The following PHACTR4 variants were observed in gnomAD, a reference collection of about 807,000 sequenced individuals.
The protein encoded by PHACTR4 is protein phosphatase 1, regulatory subunit 124.
Under a neutral mutation model 72.7 loss-of-function variants are expected in PHACTR4, and 51 were observed. The ratio of observed to expected loss-of-function variants is 0.70; its 90% CI spans 0.56 to 0.89. PHACTR4 has a LOEUF of 0.89. Ranked by LOEUF, PHACTR4 falls within the 40% of genes least tolerant of loss-of-function variation. The pLI is 0.00. For missense variants in PHACTR4, 731 were observed against 861.8 expected (o/e 0.85, Z 1.90); for synonymous variants, 255 against 302.5 (o/e 0.84, Z 1.63).
At chr1:28,458,674 C>T (rs905658409) in intron 2 of PHACTR4, among the ~76,000 whole-genome samples, 5 of 152,138 alleles carry the variant, frequency 3.3e-5, no homozygotes, top group Admixed American at 6.6e-5. Flanking sequence ...CTATTTATAT[C>T]CTGAAAAGGG....
intron 1 of PHACTR4, 89 bp downstream of exon 1, chr1:28,369,914 T>G (rs1165683627): frequency 2.5e-6 from 1 of 396,432 alleles, no homozygotes; most frequent in Non-Finnish European, 4.9e-6. Context: ...TTCTTGGCTC[T>G]GCGAGAGGGT....
chr1:28,381,133 A>G (rs1226403378), intron 1 of PHACTR4, among the ~76,000 whole-genome samples: 2 of 130,122 alleles, frequency 1.5e-5, no homozygotes, highest in Non-Finnish European at 3.2e-5. Flanking sequence ...CAGCCTTTCC[A>G]GTAGCTGGGA....
In PHACTR4 at chr1:28,407,482, G is replaced by T. The variant is rs12091029; in HGVS notation, c.16+19G>T. On this transcript the variant is annotated intron_variant, in intron 2 of 13. Transcript: ENST00000373839. ...CCATTTGGTGAGTATCACCTACATTGTTCTTAGTAAATGACATTTCTGTTT... is the reference window on the plus strand; with the variant it reads ...CCATTTGGTGAGTATCACCTACATTTTTCTTAGTAAATGACATTTCTGTTT... The T allele has an allele frequency of 0.31, 496,588 of 1,591,324 alleles. 83,817 individuals carry two copies. Among genetic ancestry groups the T allele is most frequent in the African/African-American group, 0.61 (44,801 of 73,980 alleles).
At chr1:28,405,589 A>G (rs1191524130) in intron 1 of PHACTR4, among the ~76,000 whole-genome samples, 3 of 152,034 alleles carry the variant, frequency 2.0e-5, no homozygotes, top group African/African-American at 7.2e-5. Context: ...GACCTCCCAA[A>G]GTGCTGGGAT....
chr1:28,421,465 T>C (rs1270677448), intron 2 of PHACTR4, among the ~76,000 whole-genome samples: 2 of 152,136 alleles, frequency 1.3e-5, no homozygotes, highest in East Asian at 3.8e-4. Context: ...CATATCAGAT[T>C]GTAATCTATA....
chr1:28,479,210 C>A (rs1048530205), intron 8 of PHACTR4, among the ~76,000 whole-genome samples: 1 of 151,994 alleles, frequency 6.6e-6, no homozygotes, highest in Non-Finnish European at 1.5e-5. Flanking sequence ...CACCTGAGGT[C>A]AGGAGTTCGA....
chr1:28,375,613 C>T (rs1218072382), intron 1 of PHACTR4, among the ~76,000 whole-genome samples: 3 of 151,932 alleles, frequency 2.0e-5, no homozygotes, highest in Non-Finnish European at 4.4e-5. Context: ...TTGAGCTCCA[C>T]GGTTTGAGGC....
chr1:28,439,880 A>T (rs1368469248), intron 2 of PHACTR4, among the ~76,000 whole-genome samples: 2 of 152,242 alleles, frequency 1.3e-5, no homozygotes, highest in Non-Finnish European at 1.5e-5. Context: ...ACTCAATGCT[A>T]GGCATTTATC....
At chr1:28,468,318 C>G (rs1015960427) in intron 6 of PHACTR4, among the ~76,000 whole-genome samples, 3 of 152,186 alleles carry the variant, frequency 2.0e-5, no homozygotes, top group African/African-American at 7.2e-5. Context: ...AGGCCAGGCG[C>G]AGTGGCTCAT....
chr1:28,385,511 C>G (rs1391568426), intron 1 of PHACTR4, among the ~76,000 whole-genome samples: 2 of 145,352 alleles, frequency 1.4e-5, no homozygotes, highest in South Asian at 2.2e-4. Context: ...CCACTGCACT[C>G]CAGCTTGGGC....
chr1:28,466,294 T>C, intron 5 of PHACTR4, 88 bp from the exon 6 acceptor site: 2 of 1,403,004 alleles, frequency 1.4e-6, no homozygotes, highest in Non-Finnish European at 1.9e-6. Context: ...ATTGGTGAAA[T>C]TGGCCACAAA....
chr1:28,438,359 C>T (rs751697865), intron 2 of PHACTR4: 15 of 1,604,886 alleles, frequency 9.3e-6, no homozygotes, highest in Middle Eastern at 3.3e-4. Flanking sequence ...AGTTTGTTGT[C>T]GTGAGATACA....
At chr1:28,415,310 C>G (rs936591869) in intron 2 of PHACTR4, among the ~76,000 whole-genome samples, 1 of 151,604 alleles carries the variant, frequency 6.6e-6, no homozygotes, top group Non-Finnish European at 1.5e-5. Context: ...CATGGCTACA[C>G]TGTACATAAG....
intron 1 of PHACTR4, among the ~76,000 whole-genome samples, chr1:28,382,780 G>A (rs890622326): frequency 6.6e-6 from 1 of 151,760 alleles, no homozygotes; most frequent in Non-Finnish European, 1.5e-5. Flanking sequence ...AGTTATCCCA[G>A]CACTGTTTAT....
Position 28,467,393 on chromosome 1 carries a change from G to T in PHACTR4, c.823+625G>T, listed in dbSNP as rs1412822987. On this transcript the variant is annotated intron_variant, in intron 6 of 13. Coordinates refer to ENST00000373839, the MANE Select transcript of PHACTR4 (RefSeq NM_001048183.3). ...ACTATACATATTTGTGTGTGTGTGT[G>T]TGTGTGTGTGTGTGTGTGTGTGTGT... Among the ~76,000 whole-genome samples, 3 of 151,566 alleles carry T rather than the reference G, an allele frequency of 2.0e-5. No homozygotes were observed. In the South Asian group the frequency reaches 6.2e-4, roughly 32 times the overall value.
At chr1:28,414,752 A>G (rs1334212315) in intron 2 of PHACTR4, among the ~76,000 whole-genome samples, 1 of 152,066 alleles carries the variant, frequency 6.6e-6, no homozygotes, top group Non-Finnish European at 1.5e-5. Flanking sequence ...TTTGCTTTAC[A>G]CTTTCTTGGA....
chr1:28,465,958 C>T (rs1659136590), intron 5 of PHACTR4, 109 bp downstream of exon 5: 1 of 1,130,974 alleles, frequency 8.8e-7, no homozygotes, highest in Non-Finnish European at 1.2e-6. Flanking sequence ...GAATTACATT[C>T]TCCTTTAACA....
At chr1:28,461,249 G>A (rs1024867144) in intron 4 of PHACTR4, among the ~76,000 whole-genome samples, 2 of 151,898 alleles carry the variant, frequency 1.3e-5, no homozygotes, top group African/African-American at 4.8e-5. Flanking sequence ...AGACCAGCCT[G>A]GCCAAAATGG....
rs1437973496 is a variant in PHACTR4 at position 28,498,609 on chromosome 1, G to A, written c.*2060G>A. 1 of 152,166 alleles carries A rather than the reference G, an allele frequency of 6.6e-6. No individual in the cohort carries two copies. Among genetic ancestry groups the A allele is most frequent in the African/African-American group, 2.4e-5 (1 of 41,438 alleles). 9.4% of individuals were successfully genotyped at this position (152,166 alleles called of 1,614,324 possible). A position where few individuals can be genotyped will look rare whatever the true frequency, so the allele number is the denominator to read the frequency against. On this transcript the variant is annotated 3_prime_UTR_variant, in exon 14 of 14. Transcript: ENST00000373839. The stretch of plus-strand genomic sequence containing the variant: ...ATTAATAGCTTCTGTTTAATCTGAT[G>A]AATGTGGCTTTTTTTCCCTTCACTT...
Sources: allele counts gnomAD v4.1 joint callset (sites outside exome capture counted in the v4.1 genomes callset), GRCh38; gene constraint gnomAD v4.1.1; transcripts MANE v1.5; gene names NCBI Gene and HGNC (gene_info 2026-07-23, HGNC 2026-07-21).